The following SOX5 variants were observed in gnomAD, a reference collection of about 807,000 sequenced individuals.
The protein encoded by SOX5 is transcription factor SOX-5.
Under a neutral mutation model 92.0 loss-of-function variants are expected in SOX5, and 9 were observed. The ratio of observed to expected loss-of-function variants is 0.10; its 90% CI spans 0.06 to 0.17. The LOEUF (loss-of-function observed/expected upper bound fraction) is 0.17. Among genes scored for constraint, SOX5 ranks in the 10% least tolerant of loss-of-function variants. SOX5 has a pLI of 1.00. For synonymous variants in SOX5, 344 were observed against 336.3 expected (o/e 1.02, Z -0.25); for missense variants, 642 against 944.5 (o/e 0.68, Z 4.20).
chr12:23,926,489 A>C (rs1392481082), intron 1 of SOX5, among the ~76,000 whole-genome samples: 1 of 151,322 alleles, frequency 6.6e-6, no homozygotes, highest in Non-Finnish European at 1.5e-5. Flanking sequence ...GGACACCTGA[A>C]CTTATGGATT....
chr12:24,038,999 C>T (rs887719939), intron 4 of SOX5, among the ~76,000 whole-genome samples: 6 of 151,894 alleles, frequency 4.0e-5, no homozygotes, highest in East Asian at 1.9e-4. Context: ...TTCTTAGTTT[C>T]GAAATGAGAA....
At chr12:23,615,015 G>T (rs900635208) in intron 8 of SOX5, among the ~76,000 whole-genome samples, 1 of 151,780 alleles carries the variant, frequency 6.6e-6, no homozygotes, top group Non-Finnish European at 1.5e-5. Flanking sequence ...TGTTGGTCAG[G>T]ATGTTCTCGA....
At chr12:24,146,622 TA>T (rs1212921363) in intron 4 of SOX5, among the ~76,000 whole-genome samples, 1 of 148,938 alleles carries the variant, frequency 6.7e-6, no homozygotes, top group Non-Finnish European at 1.5e-5. Flanking sequence ...CAAAGAAAAG[TA>T]AATTCAATGA....
chr12:24,075,266 T>C (rs1942407956), intron 4 of SOX5, among the ~76,000 whole-genome samples: 1 of 113,340 alleles, frequency 8.8e-6, no homozygotes, highest in Admixed American at 1.1e-4. Flanking sequence ...TAAGACCCTG[T>C]CTCAAATTAT....
At position 24,334,839 on chromosome 12, in the gene SOX5, GAA is replaced by G. The variant is rs369994020; in HGVS notation, c.-174+33722_-174+33723del. On this transcript the variant is annotated intron_variant, in intron 2 of 4. Transcript: ENST00000446891. ...GTCTCATTAACTAATTAATCTTATG[GAA>G]AACTGATCAAAATCAATTAAATGAT... is the stretch of plus-strand genomic sequence containing the variant. 6.4e-4 allele frequency among the ~76,000 whole-genome samples: 96 copies of G among 150,708 alleles called. 1 individual carries two copies. The highest frequency in any genetic ancestry group is 2.3e-3 in the African/African-American group (94 of 41,038).
At chr12:24,089,169 A>G (rs1362958910) in intron 4 of SOX5, among the ~76,000 whole-genome samples, 3 of 152,134 alleles carry the variant, frequency 2.0e-5, no homozygotes, top group Non-Finnish European at 2.9e-5. Flanking sequence ...TAAGAGAAAT[A>G]TAATTTCTAG....
intron 13 of SOX5, among the ~76,000 whole-genome samples, chr12:23,540,287 A>G (rs1941670918): frequency 6.6e-6 from 1 of 151,354 alleles, no homozygotes; most frequent in African/African-American, 2.4e-5. Context: ...TAATGGGTAC[A>G]GCACACCAGC....
intron 9 of SOX5, among the ~76,000 whole-genome samples, chr12:23,578,138 A>AAAAAAAAAAC (rs1949500001): frequency 2.0e-5 from 3 of 146,912 alleles, no homozygotes; most frequent in Admixed American, 6.8e-5. Context: ...AAAAAAAAAA[A>AAAAAAAAAAC]AAAAAAAAAA....
At chr12:24,524,881 G>A (rs1232931705) in intron 1 of SOX5, among the ~76,000 whole-genome samples, 3 of 152,070 alleles carry the variant, frequency 2.0e-5, no homozygotes, top group East Asian at 3.8e-4. Context: ...AATCGGCTGG[G>A]CCTGGTGGCA....
At chr12:23,762,998 T>C (rs1463710215) in intron 3 of SOX5, among the ~76,000 whole-genome samples, 1 of 152,214 alleles carries the variant, frequency 6.6e-6, no homozygotes, top group Non-Finnish European at 1.5e-5. Context: ...GTTTTGTTCT[T>C]ATTTCAAATA....
chr12:23,900,368 C>T (rs1479208314), intron 1 of SOX5, among the ~76,000 whole-genome samples: 1 of 152,134 alleles, frequency 6.6e-6, no homozygotes, highest in Admixed American at 6.5e-5. Flanking sequence ...TTGCTATTGG[C>T]TGAAGGCTGT....
At chr12:23,554,971 G>C (rs994473597) in intron 11 of SOX5, among the ~76,000 whole-genome samples, 1 of 152,048 alleles carries the variant, frequency 6.6e-6, no homozygotes, top group Admixed American at 6.6e-5. Context: ...AATCAAGGGG[G>C]AAAAGAAAGA....
At chr12:23,954,535 C>T (rs1946052287), upstream of SOX5, among the ~76,000 whole-genome samples, 1 of 151,966 alleles carries the variant, frequency 6.6e-6, no homozygotes, top group Admixed American at 6.6e-5. Flanking sequence ...GCCTGGTGAG[C>T]TCACTATTGA....
intron 3 of SOX5, among the ~76,000 whole-genome samples, chr12:23,793,208 T>C (rs894219749): frequency 6.6e-6 from 1 of 152,180 alleles, no homozygotes; most frequent in Non-Finnish European, 1.5e-5. Flanking sequence ...TGATAAAATA[T>C]ATGCGAATCA....
At position 23,603,377 on chromosome 12, in the gene SOX5, A is replaced by C. The variant is rs970139411; in HGVS notation, c.1164+1010T>G. 3.3e-5 allele frequency among the ~76,000 whole-genome samples: 5 copies of C among 150,158 alleles called. No individual in the cohort carries two copies. In the South Asian group the frequency reaches 8.4e-4, roughly 25 times the overall value. The stretch of plus-strand genomic sequence containing the variant: ...ACTGTTTTGTTTTAGACATGTCAAC[A>C]TGGCATTCATGGGATGGAGAACAGA... On this transcript the variant is annotated intron_variant, in intron 9 of 14. Coordinates refer to ENST00000451604, the MANE Select transcript of SOX5 (RefSeq NM_006940.6).
intron 3 of SOX5, among the ~76,000 whole-genome samples, chr12:23,784,867 G>T (rs962819982): frequency 2.0e-5 from 3 of 152,076 alleles, no homozygotes; most frequent in Non-Finnish European, 4.4e-5. Flanking sequence ...GCTTGAGCTC[G>T]GGAGTTCAAG....
At chr12:24,255,058 T>C (rs1050166957) in intron 3 of SOX5, among the ~76,000 whole-genome samples, 2 of 152,138 alleles carry the variant, frequency 1.3e-5, no homozygotes, top group African/African-American at 4.8e-5. Flanking sequence ...GCCCTCTTTC[T>C]CTCCTGAACC....
chr12:24,399,066 A>G (rs1436060507), intron 1 of SOX5, among the ~76,000 whole-genome samples: 3 of 152,210 alleles, frequency 2.0e-5, no homozygotes, highest in Non-Finnish European at 4.4e-5. Flanking sequence ...ACCCCCACCA[A>G]AAACGGCCAC....
At chr12:24,536,274 TAAAC>T (rs1951631887) in intron 1 of SOX5, among the ~76,000 whole-genome samples, 1 of 152,188 alleles carries the variant, frequency 6.6e-6, no homozygotes, top group Admixed American at 6.5e-5. Context: ...AAATGCCAGT[TAAAC>T]AAAAGGATCA....
Sources: allele counts gnomAD v4.1 joint callset (sites outside exome capture counted in the v4.1 genomes callset), GRCh38; gene constraint gnomAD v4.1.1; transcripts MANE v1.5; gene names NCBI Gene and HGNC (gene_info 2026-07-23, HGNC 2026-07-21).